The following ALS2CL variants were observed in gnomAD, a reference collection of about 807,000 sequenced individuals.
The protein encoded by ALS2CL is ALS2 C-terminal-like protein.
In ALS2CL, 112 loss-of-function variants were observed where a neutral mutation model predicts 127.9. That is an observed-to-expected ratio of 0.88 (90% CI 0.75 to 1.02). The LOEUF is 1.02. Among genes scored for constraint, ALS2CL ranks in the 50% least tolerant of loss-of-function variants. The probability of loss-of-function intolerance (pLI) is 0.00; values close to 1 mark genes in which losing one functional copy is unlikely to be tolerated. For synonymous variants in ALS2CL, 519 were observed against 527.6 expected, an observed-to-expected ratio of 0.98 and a Z score of 0.22; for missense variants, 1,174 against 1,236.7, an observed-to-expected ratio of 0.95 and a Z score of 0.76.
rs143519761 is a variant in ALS2CL at position 46,688,258 on chromosome 3, G to T, written c.142C>A (p.Arg48=). The part of the protein sequence containing the change: ...PSDPWGRECL[R]LLQQLHKSSQ... ...CTCTTGTGCAGCTGTTGCAAGAGCCGCAGGCACTCTCTGCCCCAGGGATCC... is the reference window on the plus strand; with the variant it reads ...CTCTTGTGCAGCTGTTGCAAGAGCCTCAGGCACTCTCTGCCCCAGGGATCC... Residue 48 remains arginine (R), a synonymous_variant, in exon 3 of 26, where the codon CGG becomes AGG. Coordinates refer to ENST00000318962, the MANE Select transcript of ALS2CL (RefSeq NM_147129.5). The T allele has an allele frequency of 6.2e-7, 1 of 1,612,906 alleles. No homozygotes were observed. The highest frequency in any genetic ancestry group is 1.1e-5 in the South Asian group (1 of 91,080).
chr3:46,674,830 A>G (rs936062412), intron 20 of ALS2CL, 91 bp from the exon 21 acceptor site: 2 of 1,300,032 alleles, frequency 1.5e-6, no homozygotes, highest in African/African-American at 1.5e-5. Context: ...CTAGTTCCAC[A>G]ACAAACAGTG....
At chr3:46,677,202 G>C in intron 16 of ALS2CL, 180 bp from the exon 17 acceptor site, 1 of 1,423,992 alleles carries the variant, frequency 7.0e-7, no homozygotes, top group South Asian at 1.5e-5. Context: ...AGGAGGAAGA[G>C]CAGCAGAGAA....
chr3:46,689,979 A>AT (rs766999174), intron 1 of ALS2CL, among the ~76,000 whole-genome samples: 1 of 152,162 alleles, frequency 6.6e-6, no homozygotes, highest in Non-Finnish European at 1.5e-5. Context: ...TTTTGGAGGT[A>AT]TGGGGGAGTC....
rs548354437 is a variant in ALS2CL at position 46,677,073 on chromosome 3, G to A, written c.1758-51C>T. On this transcript the variant is annotated intron_variant, in intron 16 of 25. Coordinates refer to ENST00000318962, the MANE Select transcript of ALS2CL (RefSeq NM_147129.5). ...ATGGGGCAGAGAGAGATGGAGCTGA[G>A]GTAGGCAGGACTCTGCCCAGGCCCT... is the stretch of plus-strand genomic sequence containing the variant. 5 of 1,552,432 alleles carry A rather than the reference G, an allele frequency of 3.2e-6. No individual in the cohort carries two copies. The East Asian group carries it at 1.1e-4, about 35-fold the overall frequency.
intron 22 of ALS2CL, 21 bp from the exon 23 acceptor site, chr3:46,672,222 G>A: frequency 6.2e-7 from 1 of 1,613,558 alleles, no homozygotes; most frequent in Non-Finnish European, 8.5e-7. Flanking sequence ...GAGGGAGTGG[G>A]CTGGATGAGG....
At chr3:46,671,622 AAGG>A (rs771043614) in intron 24 of ALS2CL, 38 bp from the exon 25 acceptor site, 41 of 1,613,120 alleles carry the variant, frequency 2.5e-5, no homozygotes, top group Non-Finnish European at 3.1e-5. Context: ...CGAGGGAGAC[AAGG>A]AGAAGAGGCC....
intron 20 of ALS2CL, 22 bp from the exon 21 acceptor site, chr3:46,674,761 G>A: frequency 4.4e-6 from 7 of 1,575,056 alleles, no homozygotes; most frequent in Middle Eastern, 1.9e-4. Flanking sequence ...ACCGGAACAG[G>A]TTGGGATGAG....
chr3:46,687,803 A>T, intron 3 of ALS2CL, 119 bp from the exon 4 acceptor site: 1 of 1,085,522 alleles, frequency 9.2e-7, no homozygotes, highest in Non-Finnish European at 1.3e-6. Context: ...GGGCCCACAC[A>T]GTGGCCTGGC....
intron 14 of ALS2CL, chr3:46,679,746 G>A (rs1699168310): frequency 6.4e-6 from 1 of 155,060 alleles, no homozygotes; most frequent in Non-Finnish European, 1.4e-5. Context: ...TCTTCCCCTT[G>A]TCTTCCTCTT....
chr3:46,683,712 C>T, intron 9 of ALS2CL, 70 bp downstream of exon 9: 1 of 1,565,674 alleles, frequency 6.4e-7, no homozygotes, highest in Non-Finnish European at 8.8e-7. Flanking sequence ...TGCAGGGTTG[C>T]ATACTTCTGC....
At chr3:46,672,591 C>A (rs1698492413) in intron 22 of ALS2CL, among the ~76,000 whole-genome samples, 1 of 152,176 alleles carries the variant, frequency 6.6e-6, no homozygotes, top group Non-Finnish European at 1.5e-5. Context: ...GAGGTGGTTC[C>A]AAGAATCTGC....
intron 20 of ALS2CL, chr3:46,674,970 G>A: frequency 2.2e-6 from 1 of 452,288 alleles, no homozygotes; most frequent in Non-Finnish European, 3.9e-6. Flanking sequence ...GGTGGGGCAG[G>A]AGTTGGATCC....
chr3:46,675,570 G>T, intron 20 of ALS2CL, 48 bp downstream of exon 20: 1 of 1,583,192 alleles, frequency 6.3e-7, no homozygotes, highest in Non-Finnish European at 8.7e-7. Flanking sequence ...GCAGACGCAT[G>T]AGGCCTCCCT....
At chr3:46,672,351 G>A in intron 22 of ALS2CL, 150 bp from the exon 23 acceptor site, 1 of 907,692 alleles carries the variant, frequency 1.1e-6, no homozygotes, top group African/African-American at 1.7e-5. Flanking sequence ...GTGACCCAGG[G>A]CAAGTCACAG....
chr3:46,691,114 G>C (rs980828874), intron 1 of ALS2CL, among the ~76,000 whole-genome samples: 1 of 152,200 alleles, frequency 6.6e-6, no homozygotes, highest in Non-Finnish European at 1.5e-5. Flanking sequence ...CCAGGACACA[G>C]GGGGCTCCAG....
Position 46,681,165 on chromosome 3 carries a change from A to T in ALS2CL, c.1436+81T>A, listed in dbSNP as rs747362481. 1 of 1,589,874 alleles carries T rather than the reference A, an allele frequency of 6.3e-7. No homozygotes were observed. The highest frequency in any genetic ancestry group is 8.6e-7 in the Non-Finnish European group (1 of 1,159,396). On this transcript the variant is annotated intron_variant, in intron 13 of 25. Transcript: ENST00000318962. The surrounding 1 kb of genome is among the most constrained non-coding windows in gnomAD (Gnocchi z 4.9). Reference sequence around the variant, plus strand: ...AGAGACACAGTGGGGGACAAACAGGAGCCTGTGTCCTGCAACAATCTGGTC... The same window carrying T: ...AGAGACACAGTGGGGGACAAACAGGTGCCTGTGTCCTGCAACAATCTGGTC...
rs1699280206 is a variant in ALS2CL at position 46,681,024 on chromosome 3, A to C, written c.1436+222T>G. ...AGCAGGGGGTCAGAAATGCCTCTCCAACACCATGAGGAGGGGTGAGGGGCG... is the reference window on the plus strand; with the variant it reads ...AGCAGGGGGTCAGAAATGCCTCTCCCACACCATGAGGAGGGGTGAGGGGCG... On this transcript the variant is annotated intron_variant, in intron 13 of 25. Transcript: ENST00000318962. The surrounding 1 kb of genome is among the most constrained non-coding windows in gnomAD (Gnocchi z 4.9). The C allele has an allele frequency of 2.9e-6, 2 of 693,262 alleles. No individual in the cohort carries two copies. The highest frequency in any genetic ancestry group is 2.6e-4 in the Middle Eastern group (1 of 3,918). The allele number at this position is 693,262 out of a possible 1,614,324, so 42.9% of individuals were successfully genotyped here. A position where few individuals can be genotyped will look rare whatever the true frequency, so the allele number is the denominator to read the frequency against.
intron 19 of ALS2CL, chr3:46,675,913 T>G (rs1268979023): frequency 1.4e-6 from 2 of 1,430,068 alleles, no homozygotes; most frequent in Non-Finnish European, 1.8e-6. Context: ...ATTTGCAGTG[T>G]TTCATGGGGT....
intron 2 of ALS2CL, among the ~76,000 whole-genome samples, chr3:46,688,945 T>A (rs1465055229): frequency 6.6e-6 from 1 of 152,180 alleles, no homozygotes; most frequent in Non-Finnish European, 1.5e-5. Flanking sequence ...AAAGGAGCAG[T>A]CAGACTTGGC....
Sources: allele counts gnomAD v4.1 joint callset (sites outside exome capture counted in the v4.1 genomes callset), GRCh38; gene constraint gnomAD v4.1.1; non-coding constraint Gnocchi (gnomAD v3.1); transcripts MANE v1.5; gene names NCBI Gene and HGNC (gene_info 2026-07-23, HGNC 2026-07-21).